The following OCA2 variants were observed in gnomAD, a reference collection of about 807,000 sequenced individuals.
OCA2 encodes OCA2 melanosomal transmembrane protein.
A neutral mutation model predicts 100.2 loss-of-function variants in OCA2; 77 were observed. That is an observed-to-expected ratio of 0.77 (90% CI 0.64 to 0.93). OCA2 has a LOEUF of 0.93. Ranked by LOEUF, OCA2 falls within the 40% of genes least tolerant of loss-of-function variation. The pLI is 0.00. For missense variants in OCA2, 1,062 were observed against 1,089.1 expected (o/e 0.98, Z 0.35); for synonymous variants, 432 against 439.2 (o/e 0.98, Z 0.21).
intron 2 of OCA2, 90 bp from the exon 3 acceptor site, chr15:28,032,253 CAAGA>C: frequency 1.0e-6 from 1 of 997,424 alleles, no homozygotes; most frequent in Non-Finnish European, 1.6e-6. Context: ...AGAATGTGCC[CAAGA>C]TTCAGTGATA....
intron 1 of OCA2, among the ~76,000 whole-genome samples, chr15:28,095,122 C>G (rs1401088434): frequency 6.6e-6 from 1 of 152,248 alleles, no homozygotes; most frequent in Non-Finnish European, 1.5e-5. Flanking sequence ...CAGGTCCAGG[C>G]AGCCCCGGCC....
At position 27,966,727 on chromosome 15, in the gene OCA2, G is replaced by A. The variant is rs1595731896; in HGVS notation, c.1599C>T (p.Asn533=). The A allele has an allele frequency of 1.9e-6, 3 of 1,613,994 alleles. No homozygotes were observed. In the East Asian group the frequency reaches 6.7e-5, roughly 36 times the overall value. ...CFPLLRLLYW[N]RKLYNKEPSE... is the part of the protein sequence containing the mutation. ...TGGGTTCCTTGTTATAAAGCTTTCT[G>A]TTCCAGTAAAGGAGTCTGAGGAGCG... Residue 533 remains asparagine, a synonymous_variant, in exon 15 of 24, where the codon AAC becomes AAT. Coordinates refer to ENST00000354638, the MANE Select transcript of OCA2 (RefSeq NM_000275.3).
At chr15:28,049,249 A>G (rs984283330) in intron 2 of OCA2, among the ~76,000 whole-genome samples, 25 of 152,222 alleles carry the variant, frequency 1.6e-4, no homozygotes, top group Non-Finnish European at 3.2e-4. Flanking sequence ...TAGTCATTAG[A>G]GAAATGTAAA....
chr15:28,022,003 T>A (rs1267734847), intron 6 of OCA2, among the ~76,000 whole-genome samples: 1 of 152,200 alleles, frequency 6.6e-6, no homozygotes, highest in East Asian at 1.9e-4. Context: ...AGTCAAGGCA[T>A]GCTCATCTCC....
intron 23 of OCA2, among the ~76,000 whole-genome samples, chr15:27,778,014 T>C (rs999746216): frequency 2.6e-5 from 4 of 152,222 alleles, no homozygotes; most frequent in East Asian, 1.9e-4. Context: ...TTTTGAGGCA[T>C]ATTAGAGTGG....
intron 19 of OCA2, among the ~76,000 whole-genome samples, chr15:27,903,135 G>T (rs1467150159): frequency 6.6e-6 from 1 of 152,222 alleles, no homozygotes; most frequent in Non-Finnish European, 1.5e-5. Flanking sequence ...CCTCTCCCCT[G>T]GGCTGCTGTG....
chr15:28,042,908 C>G (rs2043246873), intron 2 of OCA2, among the ~76,000 whole-genome samples: 1 of 152,088 alleles, frequency 6.6e-6, no homozygotes, highest in Admixed American at 6.5e-5. Context: ...CCTAGCAGTG[C>G]CCCCTAATTG....
chr15:28,094,785 C>A (rs11857546), intron 1 of OCA2, among the ~76,000 whole-genome samples: 1,777 of 152,290 alleles, frequency 0.012, 26 homozygotes, highest in African/African-American at 0.041. Flanking sequence ...CTCAACGCCC[C>A]GCCGTGCCGT....
At chr15:27,923,515 T>C (rs2140352433) in intron 19 of OCA2, among the ~76,000 whole-genome samples, 2 of 152,324 alleles carry the variant, frequency 1.3e-5, no homozygotes, top group Middle Eastern at 6.8e-3. Context: ...TGCAACTTCA[T>C]TAGCATGTGT....
At chr15:27,794,775 C>T (rs926993359) in intron 23 of OCA2, among the ~76,000 whole-genome samples, 6 of 152,164 alleles carry the variant, frequency 3.9e-5, no homozygotes, top group Non-Finnish European at 2.9e-5. Context: ...ACATCCTTCT[C>T]AATTGCCAAT....
the OCA2 span, among the ~76,000 whole-genome samples, chr15:27,720,653 G>T: frequency 6.6e-6 from 1 of 151,986 alleles, no homozygotes; most frequent in Non-Finnish European, 1.5e-5. Context: ...GGCAAAATTA[G>T]ACCAGTGGTT....
chr15:28,089,808 G>A (rs2044841863), intron 1 of OCA2, among the ~76,000 whole-genome samples: 1 of 152,142 alleles, frequency 6.6e-6, no homozygotes, highest in African/African-American at 2.4e-5. Context: ...GAAAGAGGGT[G>A]GAGGTCAAGG....
At chr15:27,940,765 T>C (rs377028338) in intron 18 of OCA2, among the ~76,000 whole-genome samples, 67 of 152,356 alleles carry the variant, frequency 4.4e-4, no homozygotes, top group African/African-American at 1.6e-3. Context: ...ATTAACTGTG[T>C]CATTCACTAG....
At chr15:27,967,819 G>A (rs1355916735) in intron 14 of OCA2, among the ~76,000 whole-genome samples, 3 of 152,116 alleles carry the variant, frequency 2.0e-5, no homozygotes, top group South Asian at 2.1e-4. Flanking sequence ...ATAAGTCAGC[G>A]GCGTCATTGG....
intron 18 of OCA2, among the ~76,000 whole-genome samples, chr15:27,931,217 T>C (rs978939386): frequency 1.1e-5 from 1 of 94,052 alleles, no homozygotes. Flanking sequence ...GTTTACGTAT[T>C]TGAGGGGAAA....
chr15:27,972,862 TATTTTATTTTA>T (rs2040844153), intron 14 of OCA2, among the ~76,000 whole-genome samples: 3 of 54,130 alleles, frequency 5.5e-5, no homozygotes, highest in Non-Finnish European at 8.1e-5. Flanking sequence ...TATTTTATTT[TATTTTATTTTA>T]TTTTATTTTT....
intron 19 of OCA2, among the ~76,000 whole-genome samples, chr15:27,904,722 A>G (rs1193515024): frequency 6.6e-6 from 1 of 152,222 alleles, no homozygotes; most frequent in Non-Finnish European, 1.5e-5. Flanking sequence ...GGACAAGGCC[A>G]GGAACCCTAG....
chr15:27,765,567 G>A (rs1013970641), intron 23 of OCA2, among the ~76,000 whole-genome samples: 16 of 152,308 alleles, frequency 1.1e-4, no homozygotes, highest in African/African-American at 2.9e-4. Context: ...AATCACTTAC[G>A]TCTTTAGATG....
chr15:27,973,754 A>C (rs1295310765), intron 14 of OCA2, among the ~76,000 whole-genome samples: 2 of 152,134 alleles, frequency 1.3e-5, no homozygotes, highest in African/African-American at 4.8e-5. Flanking sequence ...AATTGCATTG[A>C]ATCTGTAAGT....
Sources: allele counts gnomAD v4.1 joint callset (sites outside exome capture counted in the v4.1 genomes callset), GRCh38; gene constraint gnomAD v4.1.1; transcripts MANE v1.5; gene names NCBI Gene and HGNC (gene_info 2026-07-23, HGNC 2026-07-21).